KATNAL2: variants seen among roughly 807,000 people sequenced by gnomAD.
KATNAL2 encodes katanin catalytic subunit A1 like 2, also known as katanin p60 ATPase-containing subunit A-like 2.
KATNAL2 carries 52 observed loss-of-function variants against 76.3 expected under a neutral mutation model. The observed-to-expected ratio is 0.68, with a 90% CI of 0.55 to 0.86. KATNAL2 has a LOEUF of 0.86. Among genes scored for constraint, KATNAL2 ranks in the 40% least tolerant of loss-of-function variants. The probability of loss-of-function intolerance (pLI) is 0.00; values close to 1 mark genes in which losing one functional copy is unlikely to be tolerated. For missense variants in KATNAL2, 660 were observed against 668.9 expected, an observed-to-expected ratio of 0.99 and a Z score of 0.15; for synonymous variants, 243 against 244.2, an observed-to-expected ratio of 1.00 and a Z score of 0.05.
At chr18:47,100,185 GC>G in intron 16 of KATNAL2, 68 bp from the exon 17 acceptor site, 1 of 1,068,090 alleles carries the variant, frequency 9.4e-7, no homozygotes, top group Non-Finnish European at 1.5e-6. Flanking sequence ...ACTGGGTCCT[GC>G]CTATAACAAC....
intron 15 of KATNAL2, among the ~76,000 whole-genome samples, chr18:47,093,502 G>T (rs528956603): frequency 6.7e-6 from 1 of 149,912 alleles, no homozygotes; most frequent in South Asian, 2.1e-4. Flanking sequence ...TTGTGTGTGT[G>T]TGTGTGTATT....
At chr18:47,100,650 C>A (rs1369327956) in intron 17 of KATNAL2, among the ~76,000 whole-genome samples, 1 of 152,138 alleles carries the variant, frequency 6.6e-6, no homozygotes, top group African/African-American at 2.4e-5. Flanking sequence ...GGTAACGATA[C>A]ATTTAGGTCA....
intron 3 of KATNAL2, among the ~76,000 whole-genome samples, chr18:46,959,639 C>G (rs570739638): frequency 2.0e-5 from 3 of 152,070 alleles, no homozygotes; most frequent in Non-Finnish European, 2.9e-5. Flanking sequence ...AGTAGCAAAA[C>G]CTTCGCTCAC....
At chr18:47,070,360 C>T (rs2061957502) in intron 13 of KATNAL2, among the ~76,000 whole-genome samples, 1 of 152,080 alleles carries the variant, frequency 6.6e-6, no homozygotes, top group South Asian at 2.1e-4. Context: ...CTCAGCCTTC[C>T]AACGTGCTAG....
At chr18:47,069,100 G>T in intron 11 of KATNAL2, 120 bp from the exon 12 acceptor site, 1 of 673,322 alleles carries the variant, frequency 1.5e-6, no homozygotes. Context: ...AAGCAAAAAA[G>T]GGAGCCCTGA....
chr18:47,064,103 T>C (rs532812876), intron 10 of KATNAL2, among the ~76,000 whole-genome samples: 40 of 152,270 alleles, frequency 2.6e-4, no homozygotes, highest in Non-Finnish European at 5.0e-4. Flanking sequence ...TCTGTTCAGC[T>C]CAGCAGTTGT....
chr18:47,037,895 G>A (rs1324188403), intron 3 of KATNAL2, among the ~76,000 whole-genome samples: 1 of 151,136 alleles, frequency 6.6e-6, no homozygotes, highest in African/African-American at 2.4e-5. Context: ...ATGTTGCCCA[G>A]GCTGCTCTCA....
chr18:47,089,694 C>T (rs1006035352), intron 15 of KATNAL2, among the ~76,000 whole-genome samples: 8 of 152,142 alleles, frequency 5.3e-5, no homozygotes, highest in African/African-American at 1.9e-4. Context: ...ATTATTTTCA[C>T]TAAAGATTAA....
intron 3 of KATNAL2, chr18:47,034,030 C>T: frequency 1.9e-6 from 3 of 1,614,204 alleles, no homozygotes; most frequent in Non-Finnish European, 2.5e-6. Flanking sequence ...GTTTGCTTTC[C>T]TTTGTTTATC....
chr18:47,070,685 T>G (rs1311915542), intron 13 of KATNAL2, among the ~76,000 whole-genome samples: 1 of 152,246 alleles, frequency 6.6e-6, no homozygotes, highest in Non-Finnish European at 1.5e-5. Flanking sequence ...GATGACTGTT[T>G]CAAAATATGA....
chr18:47,076,828 T>G (rs36095873), intron 14 of KATNAL2, among the ~76,000 whole-genome samples: 81,915 of 147,846 alleles, frequency 0.55, 23,026 homozygotes, highest in Middle Eastern at 0.61. Flanking sequence ...CATATATATA[T>G]AGAGAGAGAC....
In KATNAL2 at chr18:47,058,328, G is replaced by A. The variant is rs144699151; in HGVS notation, c.426G>A (p.Ser142=). Residue 142 remains serine (S), a synonymous_variant, in exon 7 of 18, where the codon TCG becomes TCA. Transcript: ENST00000683218. ...CGGGGAAGACAGGGGACACCAAATCGCTCAATAAGGAGCATCCTAATCAGG... is the reference window on the plus strand; with the variant it reads ...CGGGGAAGACAGGGGACACCAAATCACTCAATAAGGAGCATCCTAATCAGG... ...TTAGKTGDTK[S]LNKEHPNQEV... is the part of the protein sequence containing the mutation. 29 of 1,612,686 alleles carry A rather than the reference G, an allele frequency of 1.8e-5. No homozygotes were observed. The highest frequency in any genetic ancestry group is 2.7e-5 in the African/African-American group (2 of 74,870).
At chr18:47,084,887 G>T (rs1363791750) in intron 15 of KATNAL2, among the ~76,000 whole-genome samples, 1 of 126,548 alleles carries the variant, frequency 7.9e-6, no homozygotes, top group Non-Finnish European at 1.7e-5. Context: ...CCTGCCTCTG[G>T]ACTCTTGTAC....
chr18:47,047,515 T>G (rs1376310520), intron 4 of KATNAL2, among the ~76,000 whole-genome samples: 2 of 152,182 alleles, frequency 1.3e-5, no homozygotes, highest in Admixed American at 1.3e-4. Flanking sequence ...TGAGGAAATT[T>G]AAAAACTTTT....
rs140814023 is a variant in KATNAL2 at position 47,067,071 on chromosome 18, T to C, written c.777T>C (p.Leu259=). The stretch of plus-strand genomic sequence containing the variant: ...TAAAGTGGAATGACATTATTGGACT[T>C]GATGCAGCCAAGCAGTTAGTCAAAG... ...PNIKWNDIIG[L]DAAKQLVKEA... The change falls in exon 11 of 18, where the codon CTT becomes CTC. Residue 259 remains leucine, a synonymous_variant. Coordinates refer to ENST00000683218, the MANE Select transcript of KATNAL2 (RefSeq NM_001387690.1). The C allele has an allele frequency of 8.6e-5, 136 of 1,588,508 alleles. No homozygotes were observed. The African/African-American group carries it at 1.7e-3, about 20-fold the overall frequency.
chr18:47,035,576 T>A, intron 3 of KATNAL2: 2 of 566,632 alleles, frequency 3.5e-6, no homozygotes, highest in Non-Finnish European at 3.2e-6. Flanking sequence ...GGGCCTTATG[T>A]AGCCCATCCC....
intron 10 of KATNAL2, among the ~76,000 whole-genome samples, chr18:47,065,435 T>C (rs1281229269): frequency 1.0e-5 from 1 of 99,772 alleles, no homozygotes; most frequent in Non-Finnish European, 2.1e-5. Context: ...GATTTTGGTA[T>C]GGGGGAGAGT....
chr18:47,100,218 C>T (rs777267069), intron 16 of KATNAL2, 36 bp from the exon 17 acceptor site: 11 of 1,473,824 alleles, frequency 7.5e-6, no homozygotes, highest in South Asian at 1.1e-5. Context: ...GAGCATTCTG[C>T]CCACTGACCA....
At chr18:47,050,104 C>T (rs1405475235) in intron 4 of KATNAL2, among the ~76,000 whole-genome samples, 1 of 152,010 alleles carries the variant, frequency 6.6e-6, no homozygotes, top group Admixed American at 6.6e-5. Context: ...TCTGGGACTC[C>T]TGGGCTCAAG....
Sources: gnomAD v4.1 joint callset for allele counts (sites outside exome capture counted in the v4.1 genomes callset) on GRCh38, gnomAD v4.1.1 for gene constraint, MANE v1.5 for transcripts, NCBI Gene and HGNC (gene_info 2026-07-23, HGNC 2026-07-21) for gene names.